Variants in RERE observed in about 807,000 individuals in gnomAD.
RERE encodes arginine-glutamic acid dipeptide repeats protein.
RERE carries 40 observed loss-of-function variants against 146.1 expected under a neutral mutation model. That is an observed-to-expected ratio of 0.27 (90% CI 0.21 to 0.36). The LOEUF (loss-of-function observed/expected upper bound fraction) is 0.36, where lower values mean the gene tolerates loss of function less well. Among genes scored for constraint, RERE ranks in the 10% least tolerant of loss-of-function variants. The pLI is 1.00. For synonymous variants in RERE, 1,003 were observed against 866.0 expected, an observed-to-expected ratio of 1.16 and a Z score of -2.78; for missense variants, 1,933 against 2,138.7, an observed-to-expected ratio of 0.90 and a Z score of 1.90.
chr1:8,367,369 T>A (rs1641851490), intron 12 of RERE, among the ~76,000 whole-genome samples: 1 of 152,116 alleles, frequency 6.6e-6, no homozygotes, highest in African/African-American at 2.4e-5. Context: ...CACAGCTGCA[T>A]CTTATGCCTG....
intron 1 of RERE, among the ~76,000 whole-genome samples, chr1:8,703,537 C>G (rs1216532959): frequency 6.6e-6 from 1 of 152,174 alleles, no homozygotes; most frequent in Non-Finnish European, 1.5e-5. Flanking sequence ...ACAATGCCAG[C>G]TGCAATTTTA....
chr1:8,765,904 A>G (rs1259328924), intron 1 of RERE, among the ~76,000 whole-genome samples: 3 of 152,146 alleles, frequency 2.0e-5, no homozygotes, highest in Non-Finnish European at 4.4e-5. Context: ...GTGAGTCAAG[A>G]TCGCACCACT....
intron 12 of RERE, among the ~76,000 whole-genome samples, chr1:8,404,804 G>A (rs1443692443): frequency 6.6e-6 from 1 of 152,200 alleles, no homozygotes; most frequent in Non-Finnish European, 1.5e-5. Flanking sequence ...TCAGGGCGAG[G>A]TGGAAGGCTG....
At chr1:8,480,198 G>C (rs1644815940) in intron 10 of RERE, among the ~76,000 whole-genome samples, 1 of 135,734 alleles carries the variant, frequency 7.4e-6, no homozygotes, top group Admixed American at 8.4e-5. Context: ...GCAGTGCACT[G>C]ATGTCATCTC....
In RERE at chr1:8,445,684, CT is replaced by C. The variant is rs879168605; in HGVS notation, c.1203+20240del. On this transcript the variant is annotated intron_variant, in intron 11 of 22. Transcript: ENST00000400908. ...CAACCACCTGCGGCAGGAACCCCACCTTTTTTTTTTTATGTTCGGGGATACA... is the reference window on the plus strand; with the variant it reads ...CAACCACCTGCGGCAGGAACCCCACCTTTTTTTTTTATGTTCGGGGATACA... 5.3e-3 allele frequency among the ~76,000 whole-genome samples: 771 copies of C among 145,746 alleles called. 6 individuals carry two copies. Among genetic ancestry groups the C allele is most frequent in the African/African-American group, 0.015 (614 of 39,974 alleles).
intron 4 of RERE, among the ~76,000 whole-genome samples, chr1:8,565,301 C>T (rs1646140239): frequency 6.6e-6 from 1 of 152,034 alleles, no homozygotes; most frequent in Non-Finnish European, 1.5e-5. Context: ...TTTTGTACTC[C>T]ATACATATAT....
chr1:8,495,110 A>G lies in RERE; in HGVS notation c.1057T>C (p.Cys353Arg), dbSNP rs2124233148. The G allele has an allele frequency of 1.2e-6, 2 of 1,614,080 alleles. No homozygotes were observed. Among genetic ancestry groups the G allele is most frequent in the Middle Eastern group, 1.7e-4 (1 of 6,054 alleles). Residue 353 changes from cysteine (C) to arginine (R), a missense_variant, in exon 10 of 23, where the codon TGT becomes CGT. This residue lies in a region of RERE where 260 missense variants were observed against 378.4 expected (regional missense o/e 0.69). Coordinates refer to ENST00000400908, the MANE Select transcript of RERE (RefSeq NM_001042681.2). ...GTGTCATCCCGAGAGGCTGCGACAC[A>G]GCCGTCCTCTGTAGAGCCTCCATCA... ...MCDGGSTEDG[C>R]VAASRDDTTL...
rs941343020 is a variant in RERE, at chr1:8,494,694, G to A, written c.1104+369C>T. The stretch of plus-strand genomic sequence containing the variant: ...GCTGAGATCGCGCCACTGCCAGAGC[G>A]AGACTCCATCTCAAAAAAATAAAAA... On this transcript the variant is annotated intron_variant, in intron 10 of 22. Coordinates refer to ENST00000400908, the MANE Select transcript of RERE (RefSeq NM_001042681.2). 7.2e-5 allele frequency among the ~76,000 whole-genome samples: 11 copies of A among 152,236 alleles called. 1 individual carries two copies. The highest frequency in any genetic ancestry group is 4.2e-4 in the South Asian group (2 of 4,816).
rs539939481 is a variant in RERE, at chr1:8,595,145, G to A, written c.522+19416C>T. Among the ~76,000 whole-genome samples the A allele has an allele frequency of 2.3e-3, 341 of 145,524 alleles. 2 individuals carry two copies. The highest frequency in any genetic ancestry group is 2.5e-3 in the Non-Finnish European group (169 of 66,994). On this transcript the variant is annotated intron_variant, in intron 4 of 22. Transcript: ENST00000400908. The stretch of plus-strand genomic sequence containing the variant: ...CACTCATTCCAGCCTAGGTGACAGA[G>A]CAAGACCGTGTCCAAAAAAAAAAAA...
At chr1:8,727,107 C>G (rs886949782) in intron 1 of RERE, among the ~76,000 whole-genome samples, 2 of 151,492 alleles carry the variant, frequency 1.3e-5, no homozygotes, top group Non-Finnish European at 2.9e-5. Flanking sequence ...GCCCAGCCAA[C>G]TGACCTTTTT....
At position 8,398,165 on chromosome 1, in the gene RERE, C is replaced by CA. The variant is rs1643119435; in HGVS notation, c.1284+24561dup. Among the ~76,000 whole-genome samples the CA allele has an allele frequency of 3.9e-5, 6 of 152,322 alleles. No homozygotes were observed. The South Asian group carries it at 1.2e-3, about 32-fold the overall frequency. On this transcript the variant is annotated intron_variant, in intron 12 of 22. Transcript: ENST00000400908. ...TGTAGAGCATTTCCACATGGAGTAA[C>CA]AGAAGGGCAGGCATTCTGGGCAGAA... is the stretch of plus-strand genomic sequence containing the variant.
intron 1 of RERE, among the ~76,000 whole-genome samples, chr1:8,679,575 A>G (rs886458804): frequency 6.6e-6 from 1 of 152,174 alleles, no homozygotes; most frequent in African/African-American, 2.4e-5. Context: ...CAGACAGGCT[A>G]TATGTAATGA....
rs930385571 is a variant in RERE, at chr1:8,605,760, A to G, written c.522+8801T>C. 3.3e-4 allele frequency among the ~76,000 whole-genome samples: 49 copies of G among 149,848 alleles called. 1 individual carries two copies. Among genetic ancestry groups the G allele is most frequent in the Admixed American group, 8.6e-4 (13 of 15,084 alleles). ...ACCCCATCTCCAAAAAAAAAAAAAA[A>G]AAAAAAAAAAACCCCTAAAAAAAGT... On this transcript the variant is annotated intron_variant, in intron 4 of 22. Coordinates refer to ENST00000400908, the MANE Select transcript of RERE (RefSeq NM_001042681.2).
At chr1:8,527,245 A>G (rs1207247548) in intron 7 of RERE, among the ~76,000 whole-genome samples, 1 of 152,242 alleles carries the variant, frequency 6.6e-6, no homozygotes, top group Non-Finnish European at 1.5e-5. Flanking sequence ...GACCTAACAC[A>G]TGAAACAAGT....
At chr1:8,645,884 T>C (rs1034324157) in intron 2 of RERE, among the ~76,000 whole-genome samples, 3 of 152,072 alleles carry the variant, frequency 2.0e-5, no homozygotes, top group East Asian at 1.9e-4. Context: ...CTAATATACA[T>C]GAAAAGGCAA....
At chr1:8,398,219 G>A (rs1643121846) in intron 12 of RERE, among the ~76,000 whole-genome samples, 1 of 152,266 alleles carries the variant, frequency 6.6e-6, no homozygotes. Context: ...CAGACAGGAA[G>A]CCTGAGTGTT....
At chr1:8,552,999 C>A (rs2124416327) in intron 6 of RERE, among the ~76,000 whole-genome samples, 1 of 152,044 alleles carries the variant, frequency 6.6e-6, no homozygotes, top group Admixed American at 6.5e-5. Flanking sequence ...CCAGCTCGTC[C>A]ACACACATGT....
In RERE at chr1:8,361,853, G is replaced by A. The variant is rs1641594259; in HGVS notation, c.1926C>T (p.Ser642=). The change falls in exon 17 of 23, where the codon TCC becomes TCT. Residue 642 remains serine, a synonymous_variant. Coordinates refer to ENST00000400908, the MANE Select transcript of RERE (RefSeq NM_001042681.2). ...GCTGGCGTTTGTTACTCTTAAGAGG[G>A]GAAGAGGCTTCCTCCTTCACCTTCT... is the stretch of plus-strand genomic sequence containing the variant. ...SAKKVKEEAS[S]PLKSNKRQRE... 1.2e-6 allele frequency: 2 copies of A among 1,613,762 alleles called. No individual in the cohort carries two copies. The highest frequency in any genetic ancestry group is 4.5e-5 in the East Asian group (2 of 44,884).
intron 11 of RERE, among the ~76,000 whole-genome samples, chr1:8,462,411 G>A (rs1243711939): frequency 3.9e-5 from 6 of 152,354 alleles, no homozygotes; most frequent in Admixed American, 1.3e-4. Flanking sequence ...CGAGTGACGC[G>A]CAGAGGGGAG....
Sources: allele counts gnomAD v4.1 joint callset (sites outside exome capture counted in the v4.1 genomes callset), GRCh38; gene constraint gnomAD v4.1.1; regional missense constraint gnomAD v4.1.1; transcripts MANE v1.5; gene names NCBI Gene and HGNC (gene_info 2026-07-23, HGNC 2026-07-21).